The following ODR4 variants were observed in gnomAD, a reference collection of about 807,000 sequenced individuals.
ODR4 encodes odr-4 GPCR localization factor homolog, also known as protein odr-4 homolog.
Under a neutral mutation model 60.2 loss-of-function variants are expected in ODR4, and 47 were observed. That is an observed-to-expected ratio of 0.78 (90% CI 0.62 to 1.00). The LOEUF is 1.00. Ranked by LOEUF, ODR4 falls within the 50% of genes least tolerant of loss-of-function variation. The probability of loss-of-function intolerance (pLI) is 0.00; values close to 1 mark genes in which losing one functional copy is unlikely to be tolerated. For missense variants in ODR4, 488 were observed against 530.8 expected (o/e 0.92, Z 0.79); for synonymous variants, 178 against 175.5 (o/e 1.01, Z -0.11).
intron 9 of ODR4, among the ~76,000 whole-genome samples, chr1:186,394,500 A>G (rs1197447990): frequency 6.6e-6 from 1 of 152,210 alleles, no homozygotes; most frequent in African/African-American, 2.4e-5. Flanking sequence ...CTTTTCGAAA[A>G]TTTAAAAGTT....
chr1:186,393,835 T>C, intron 8 of ODR4, 112 bp from the exon 9 acceptor site: 1 of 641,220 alleles, frequency 1.6e-6, no homozygotes, highest in Non-Finnish European at 2.8e-6. Flanking sequence ...TTAAAATAAT[T>C]AAAAGACTTG....
chr1:186,421,075 A>G lies in ODR4; in HGVS notation c.*1999A>G, dbSNP rs1661756205. The G allele has an allele frequency of 6.6e-6, 1 of 152,222 alleles. No individual in the cohort carries two copies. The highest frequency in any genetic ancestry group is 1.5e-5 in the Non-Finnish European group (1 of 68,038). The allele number at this position is 152,222 out of a possible 1,614,324, so 9.4% of individuals were successfully genotyped here. A position where few individuals can be genotyped will look rare whatever the true frequency, so the allele number is the denominator to read the frequency against. ...AGCAACAATGTACCCAAAAGAGGGT[A>G]GAATTCTGAGAAAAACTATTAGCTT... On this transcript the variant is annotated 3_prime_UTR_variant, in exon 14 of 14. Transcript: ENST00000287859.
intron 11 of ODR4, among the ~76,000 whole-genome samples, chr1:186,405,222 G>A (rs1299448212): frequency 6.6e-6 from 1 of 152,172 alleles, no homozygotes; most frequent in Non-Finnish European, 1.5e-5. Context: ...AAAACTGTAT[G>A]TATGACTAGA....
At chr1:186,390,553 T>C (rs1268397995) in intron 6 of ODR4, among the ~76,000 whole-genome samples, 158 bp from the exon 7 acceptor site, 1 of 152,224 alleles carries the variant, frequency 6.6e-6, no homozygotes, top group Non-Finnish European at 1.5e-5. Flanking sequence ...TATTTTGTGT[T>C]TAGTTCAACC....
chr1:186,391,440 C>T (rs1660465526), intron 7 of ODR4, among the ~76,000 whole-genome samples: 2 of 148,986 alleles, frequency 1.3e-5, no homozygotes, highest in Non-Finnish European at 3.0e-5. Flanking sequence ...TGATCATGTA[C>T]TTAATAACCT....
chr1:186,399,024 A>G lies in ODR4; in HGVS notation c.980A>G (p.Asn327Ser). 1 of 1,611,560 alleles carries G rather than the reference A, an allele frequency of 6.2e-7. No homozygotes were observed. Among genetic ancestry groups the G allele is most frequent in the Non-Finnish European group, 8.5e-7 (1 of 1,178,604 alleles). Residue 327 changes from asparagine to serine, a missense_variant, in exon 11 of 14, where the codon AAT becomes AGT. Transcript: ENST00000287859. ...ATGCTATTTGAGGATCTGCTTTTGAATGAAATTCCAGAAAAAAAAGTTATG... is the reference window on the plus strand; with the variant it reads ...ATGCTATTTGAGGATCTGCTTTTGAGTGAAATTCCAGAAAAAAAAGTTATG... The part of the protein sequence containing the change: ...CEMLFEDLLL[N>S]EIPEKKDSEK...
chr1:186,389,368 A>T (rs1421192221), intron 5 of ODR4, among the ~76,000 whole-genome samples: 1 of 152,148 alleles, frequency 6.6e-6, no homozygotes, highest in Non-Finnish European at 1.5e-5. Context: ...ATTTTCAAGC[A>T]CCGCAAGTAC....
intron 11 of ODR4, chr1:186,400,612 T>A (rs1356016162): frequency 6.0e-6 from 1 of 165,852 alleles, no homozygotes; most frequent in African/African-American, 2.4e-5. Context: ...ATTTTTATGT[T>A]CATAGGAAAA....
At chr1:186,383,351 G>A (rs932076076) in intron 3 of ODR4, among the ~76,000 whole-genome samples, 195 bp downstream of exon 3, 20 of 152,014 alleles carry the variant, frequency 1.3e-4, no homozygotes, top group Non-Finnish European at 2.6e-4. Context: ...ATGGGTGAGT[G>A]GGAATAATGA....
At chr1:186,429,743 G>A in the ODR4 span, among the ~76,000 whole-genome samples, 2 of 151,962 alleles carry the variant, frequency 1.3e-5, no homozygotes, top group Non-Finnish European at 2.9e-5. Context: ...TATGTTTGCT[G>A]ACTCTTACCT....
At chr1:186,379,460 AAAAG>A (rs1433572876) in intron 1 of ODR4, among the ~76,000 whole-genome samples, 1 of 147,942 alleles carries the variant, frequency 6.8e-6, no homozygotes, top group Non-Finnish European at 1.5e-5. Context: ...AAAAAAAAAA[AAAAG>A]AAATCTGGTG....
intron 12 of ODR4, among the ~76,000 whole-genome samples, chr1:186,407,121 C>T (rs909920674): frequency 4.6e-5 from 7 of 152,104 alleles, no homozygotes; most frequent in Admixed American, 1.3e-4. Context: ...AATACCAGAT[C>T]GTGATGTAGA....
intron 7 of ODR4, among the ~76,000 whole-genome samples, chr1:186,391,159 CAG>C (rs1350948317): frequency 6.6e-6 from 1 of 152,006 alleles, no homozygotes. Context: ...CTAAATATAA[CAG>C]TATTCATTAA....
Position 186,388,524 on chromosome 1 carries a change from T to C in ODR4, c.413T>C (p.Leu138Pro). 3 of 1,554,248 alleles carry C rather than the reference T, an allele frequency of 1.9e-6. No individual in the cohort carries two copies. Among genetic ancestry groups the C allele is most frequent in the Non-Finnish European group, 1.7e-6 (2 of 1,148,594 alleles). Residue 138 changes from leucine to proline, a missense_variant, in exon 5 of 14, where the codon CTT becomes CCT. Transcript: ENST00000287859. Reference protein sequence around the residue: ...TEEEVSERVTLHICASTKKIF... With the variant: ...TEEEVSERVTPHICASTKKIF... ...GAGGAAGTCTCAGAACGAGTGACAC[T>C]TCACATTTGTGCTTCTACAAAAAAG...
At chr1:186,430,897 A>T in the ODR4 span, among the ~76,000 whole-genome samples, 1 of 151,276 alleles carries the variant, frequency 6.6e-6, no homozygotes, top group Non-Finnish European at 1.5e-5. Flanking sequence ...AAACAGGTTC[A>T]GGAAAGTCAT....
downstream of ODR4, among the ~76,000 whole-genome samples, chr1:186,424,091 G>A (rs1379906802): frequency 6.6e-6 from 1 of 152,102 alleles, no homozygotes; most frequent in African/African-American, 2.4e-5. Flanking sequence ...GAAATTCTTG[G>A]ATATGTGTAC....
intron 12 of ODR4, among the ~76,000 whole-genome samples, chr1:186,414,568 GGAGT>G (rs1661491435): frequency 6.7e-6 from 1 of 149,826 alleles, no homozygotes; most frequent in Admixed American, 6.7e-5. Context: ...TGCCCAGGCT[GGAGT>G]GCACTGGCAC....
chr1:186,396,345 A>C (rs1014856984), intron 9 of ODR4, among the ~76,000 whole-genome samples: 13 of 152,312 alleles, frequency 8.5e-5, no homozygotes, highest in African/African-American at 3.1e-4. Flanking sequence ...ATGGTAGCTC[A>C]TGCCTGTAAT....
At position 186,386,097 on chromosome 1, in the gene ODR4, A is replaced by T; in HGVS notation, c.330+14A>T. 6.8e-7 allele frequency: 1 copy of T among 1,461,006 alleles called. No homozygotes were observed. Among genetic ancestry groups the T allele is most frequent in the Non-Finnish European group, 9.4e-7 (1 of 1,063,590 alleles). 90.5% of individuals were successfully genotyped at this position (1,461,006 alleles called of 1,614,324 possible). On this transcript the variant is annotated intron_variant, in intron 4 of 13. Transcript: ENST00000287859. ...GCCCTGCGTAGAGTAAGTTTGATAT[A>T]TCGAAAATTCTTAATGAAATCAGTT... is the stretch of plus-strand genomic sequence containing the variant.
Sources: gnomAD v4.1 joint callset for allele counts (sites outside exome capture counted in the v4.1 genomes callset) on GRCh38, gnomAD v4.1.1 for gene constraint, MANE v1.5 for transcripts, NCBI Gene and HGNC (gene_info 2026-07-23, HGNC 2026-07-21) for gene names.